The following CPNE8 variants were observed in gnomAD, a reference collection of about 807,000 sequenced individuals.
CPNE8 encodes the protein copine 8, also known as copine-8.
CPNE8 carries 45 observed loss-of-function variants against 81.5 expected under a neutral mutation model. That is an observed-to-expected ratio of 0.55 (90% CI 0.44 to 0.71). The LOEUF (loss-of-function observed/expected upper bound fraction) is 0.71, where lower values mean the gene tolerates loss of function less well. Among genes scored for constraint, CPNE8 ranks in the 30% least tolerant of loss-of-function variants. The probability of loss-of-function intolerance (pLI) is 0.00; values close to 1 mark genes in which losing one functional copy is unlikely to be tolerated. For missense variants in CPNE8, 594 were observed against 672.1 expected (o/e 0.88, Z 1.28); for synonymous variants, 252 against 226.3 (o/e 1.11, Z -1.02).
chr12:38,756,027 G>A (rs1156651760), intron 10 of CPNE8, among the ~76,000 whole-genome samples: 8 of 88,882 alleles, frequency 9.0e-5, no homozygotes, highest in Non-Finnish European at 1.9e-4. Context: ...GCGACAGAGC[G>A]AGACTCCGTC....
intron 16 of CPNE8, among the ~76,000 whole-genome samples, chr12:38,678,847 A>G (rs1248770423): frequency 1.2e-4 from 18 of 151,884 alleles, no homozygotes; most frequent in Non-Finnish European, 2.4e-4. Flanking sequence ...GTACTATAGA[A>G]TTAAAAATAT....
At chr12:38,770,809 G>T (rs1403069413) in intron 7 of CPNE8, among the ~76,000 whole-genome samples, 3 of 151,930 alleles carry the variant, frequency 2.0e-5, no homozygotes, top group Non-Finnish European at 4.4e-5. Flanking sequence ...CCTTCTTTAG[G>T]TCTTAGCTTA....
intron 1 of CPNE8, among the ~76,000 whole-genome samples, chr12:38,882,990 T>C (rs976323851): frequency 6.6e-6 from 1 of 152,178 alleles, no homozygotes; most frequent in African/African-American, 2.4e-5. Flanking sequence ...GCAGAACTGA[T>C]TATTTCCCCC....
chr12:38,797,603 A>G (rs1221923633), intron 6 of CPNE8, among the ~76,000 whole-genome samples: 1 of 152,154 alleles, frequency 6.6e-6, no homozygotes, highest in African/African-American at 2.4e-5. Context: ...TGGGGAAAAA[A>G]CAGAGCAGAA....
chr12:38,796,642 T>C (rs953782458), intron 6 of CPNE8, among the ~76,000 whole-genome samples: 1 of 152,134 alleles, frequency 6.6e-6, no homozygotes, highest in African/African-American at 2.4e-5. Context: ...GATTTCTGCA[T>C]TTCCATCTGA....
At chr12:38,874,235 T>C (rs1190734421) in intron 2 of CPNE8, among the ~76,000 whole-genome samples, 1 of 152,208 alleles carries the variant, frequency 6.6e-6, no homozygotes, top group African/African-American at 2.4e-5. Flanking sequence ...GAGGTTTTAA[T>C]TTCAAAGTGA....
At chr12:38,692,706 C>A (rs540033960) in intron 15 of CPNE8, among the ~76,000 whole-genome samples, 144 of 152,166 alleles carry the variant, frequency 9.5e-4, no homozygotes, top group African/African-American at 3.4e-3. Context: ...AATTAATAAA[C>A]CTCATTTAGT....
chr12:38,712,205 A>ATTTTTTT (rs200471171), intron 13 of CPNE8, among the ~76,000 whole-genome samples: 24 of 135,938 alleles, frequency 1.8e-4, no homozygotes, highest in African/African-American at 6.5e-4. Flanking sequence ...CAATGATGCC[A>ATTTTTTT]TTTTTTTTTT....
chr12:38,901,793 C>T (rs1944465916), intron 1 of CPNE8, among the ~76,000 whole-genome samples: 2 of 152,128 alleles, frequency 1.3e-5, no homozygotes, highest in African/African-American at 4.8e-5. Context: ...TCTGCCCAAG[C>T]CCCATCTCTC....
At chr12:38,866,813 G>A (rs1224320946) in intron 3 of CPNE8, among the ~76,000 whole-genome samples, 1 of 152,100 alleles carries the variant, frequency 6.6e-6, no homozygotes, top group African/African-American at 2.4e-5. Flanking sequence ...CCTGTGTTGA[G>A]AGGCTAAATT....
chr12:38,698,884 T>C (rs1271313502), intron 14 of CPNE8, among the ~76,000 whole-genome samples: 2 of 152,248 alleles, frequency 1.3e-5, no homozygotes, highest in African/African-American at 4.8e-5. Flanking sequence ...TCTGGATCCT[T>C]TGCAATTTCA....
Position 38,711,025 on chromosome 12 carries a change from A to C in CPNE8, c.915-8104T>G, listed in dbSNP as rs570388347. On this transcript the variant is annotated intron_variant, in intron 13 of 19. Transcript: ENST00000331366. ...AGAAATAGCAAAGTGTGTTGTCTAC[A>C]ATAGAATAATTTCACAGAAATAGAT... 2.0e-5 allele frequency among the ~76,000 whole-genome samples: 3 copies of C among 152,346 alleles called. No homozygotes were observed. In the South Asian group the frequency reaches 6.2e-4, roughly 32 times the overall value.
At chr12:38,787,644 G>A (rs563659470) in intron 6 of CPNE8, among the ~76,000 whole-genome samples, 1 of 151,618 alleles carries the variant, frequency 6.6e-6, no homozygotes, top group African/African-American at 2.4e-5. Context: ...AAATACAAAA[G>A]CTCAATGAAA....
intron 13 of CPNE8, among the ~76,000 whole-genome samples, chr12:38,712,429 T>C (rs1940283293): frequency 6.6e-6 from 1 of 152,092 alleles, no homozygotes; most frequent in African/African-American, 2.4e-5. Context: ...TCCAGGCTGG[T>C]CTCACACTCC....
chr12:38,809,018 T>C (rs767189269), intron 6 of CPNE8, among the ~76,000 whole-genome samples: 12 of 152,190 alleles, frequency 7.9e-5, no homozygotes, highest in Non-Finnish European at 1.5e-4. Context: ...GGAATTCTTT[T>C]ATACTGCTAT....
intron 10 of CPNE8, among the ~76,000 whole-genome samples, chr12:38,744,653 G>A (rs1038167688): frequency 6.6e-6 from 1 of 152,080 alleles, no homozygotes; most frequent in African/African-American, 2.4e-5. Flanking sequence ...AAATCTGAAG[G>A]CTCCACATTC....
In CPNE8 at chr12:38,716,794, C is replaced by T. The variant is rs560894429; in HGVS notation, c.914+6978G>A. Among the ~76,000 whole-genome samples, 6 of 152,062 alleles carry T rather than the reference C, an allele frequency of 3.9e-5. No individual in the cohort carries two copies. The South Asian group carries it at 1.2e-3, about 32-fold the overall frequency. On this transcript the variant is annotated intron_variant, in intron 13 of 19. Transcript: ENST00000331366. The stretch of plus-strand genomic sequence containing the variant: ...AAAAACAAAAGTAAACAAATCAGAC[C>T]TAATTAAACCAAAAAGCTTCTGTAC...
intron 6 of CPNE8, among the ~76,000 whole-genome samples, chr12:38,793,832 G>A (rs747682695): frequency 1.3e-4 from 19 of 151,966 alleles, no homozygotes; most frequent in Admixed American, 5.9e-4. Context: ...CATATTACAA[G>A]CTACAGTAAT....
chr12:38,838,205 G>A (rs1403521), intron 5 of CPNE8, among the ~76,000 whole-genome samples: 57,332 of 152,006 alleles, frequency 0.38, 13,005 homozygotes, highest in Non-Finnish European at 0.51. Flanking sequence ...TATATTCAGG[G>A]AGAGTGGTAC....
Sources: allele counts gnomAD v4.1 joint callset (sites outside exome capture counted in the v4.1 genomes callset), GRCh38; gene constraint gnomAD v4.1.1; transcripts MANE v1.5; gene names NCBI Gene and HGNC (gene_info 2026-07-23, HGNC 2026-07-21).